Variants in ZNF407 observed in about 807,000 individuals in gnomAD.
ZNF407 encodes zinc finger protein 407.
ZNF407 carries 17 observed loss-of-function variants against 131.2 expected under a neutral mutation model. The observed-to-expected ratio is 0.13, with a 90% CI of 0.09 to 0.19. ZNF407 has a LOEUF of 0.19. Ranked by LOEUF, ZNF407 falls within the 10% of genes least tolerant of loss-of-function variation. The pLI is 1.00. For missense variants in ZNF407, 2,681 were observed against 2,830.6 expected (o/e 0.95, Z 1.20); for synonymous variants, 1,156 against 1,062.0 (o/e 1.09, Z -1.72).
At chr18:74,992,845 AT>A (rs892107192) in intron 8 of ZNF407, among the ~76,000 whole-genome samples, 1 of 152,236 alleles carries the variant, frequency 6.6e-6, no homozygotes, top group African/African-American at 2.4e-5. Context: ...AAAAGAAGAT[AT>A]TTAAGCAGCC....
chr18:74,832,684 A>C (rs1970502279), intron 4 of ZNF407, among the ~76,000 whole-genome samples: 1 of 152,178 alleles, frequency 6.6e-6, no homozygotes, highest in Non-Finnish European at 1.5e-5. Context: ...TTTGAATCTT[A>C]CAGTTGTAGA....
At position 74,803,838 on chromosome 18, in the gene ZNF407, A is replaced by G. The variant is rs769630636; in HGVS notation, c.4877+22336A>G. ...GATAATGTGGTTTTTATCAATATTAATACTTTCTGGAGCATGGTTTCAAAA... is the reference window on the plus strand; with the variant it reads ...GATAATGTGGTTTTTATCAATATTAGTACTTTCTGGAGCATGGTTTCAAAA... On this transcript the variant is annotated intron_variant, in intron 4 of 8. Coordinates refer to ENST00000299687, the MANE Select transcript of ZNF407 (RefSeq NM_017757.3). The G allele has an allele frequency of 1.1e-5, 11 of 989,900 alleles. No homozygotes were observed. In the Admixed American group the frequency reaches 1.7e-4, roughly 16 times the overall value. 61.3% of individuals were successfully genotyped at this position (989,900 alleles called of 1,614,324 possible).
Position 74,909,814 on chromosome 18 carries a change from G to A in ZNF407, c.5250-10700G>A, listed in dbSNP as rs570058751. On this transcript the variant is annotated intron_variant, in intron 7 of 8. Transcript: ENST00000299687. ...TGACTTGCAGTATTTTATAGTATTC[G>A]TGTAGTCAAGTCTATCTATGTTTGA... Among the ~76,000 whole-genome samples, 1,133 of 152,102 alleles carry A rather than the reference G, an allele frequency of 7.4e-3. 13 individuals carry two copies. Among genetic ancestry groups the A allele is most frequent in the African/African-American group, 0.023 (964 of 41,504 alleles).
At chr18:74,999,790 C>T (rs186331938) in intron 8 of ZNF407, among the ~76,000 whole-genome samples, 2 of 152,134 alleles carry the variant, frequency 1.3e-5, no homozygotes, top group African/African-American at 2.4e-5. Flanking sequence ...GCCAAGATGA[C>T]TGCATTTCAA....
At chr18:74,654,338 G>A (rs1373973892) in intron 3 of ZNF407, among the ~76,000 whole-genome samples, 1 of 151,690 alleles carries the variant, frequency 6.6e-6, no homozygotes, top group African/African-American at 2.4e-5. Context: ...ATTTTTAATG[G>A]TTTTTCTGAC....
intron 8 of ZNF407, among the ~76,000 whole-genome samples, chr18:74,992,594 G>C (rs1412976181): frequency 6.6e-6 from 1 of 152,218 alleles, no homozygotes. Context: ...CATCAAGAAG[G>C]GCTGTGAGCG....
Position 75,064,031 on chromosome 18 carries a change from C to G in ZNF407, c.6310C>G (p.Gln2104Glu), listed in dbSNP as rs1171738737. The G allele has an allele frequency of 1.9e-6, 3 of 1,603,594 alleles. No homozygotes were observed. Among genetic ancestry groups the G allele is most frequent in the Non-Finnish European group, 2.6e-6 (3 of 1,175,698 alleles). Residue 2104 changes from glutamine (Q) to glutamate (E), a missense_variant, in exon 9 of 9, where the codon CAG becomes GAG. This residue lies in a region of ZNF407 where 620 missense variants were observed against 583.1 expected (regional missense o/e 1.06). Transcript: ENST00000299687. The part of the protein sequence containing the change: ...AGQLVKDGVT[Q>E]VVVSEEGAVH... ...CCAGTTGGTCAAGGACGGTGTCACC[C>G]AGGTGGTGGTGAGCGAAGAGGGTGC...
intron 3 of ZNF407, among the ~76,000 whole-genome samples, chr18:74,657,091 T>A (rs1163030498): frequency 1.3e-5 from 2 of 152,064 alleles, no homozygotes. Flanking sequence ...AGTTTTTTTT[T>A]TTTTTTTTAA....
At chr18:75,020,290 G>T (rs1458818706) in intron 8 of ZNF407, among the ~76,000 whole-genome samples, 1 of 145,730 alleles carries the variant, frequency 6.9e-6, no homozygotes, top group African/African-American at 2.6e-5. Context: ...ATATGTGTGT[G>T]TATGTGTATA....
At chr18:75,026,936 A>G (rs769678439) in intron 8 of ZNF407, among the ~76,000 whole-genome samples, 31 of 152,236 alleles carry the variant, frequency 2.0e-4, no homozygotes, top group Admixed American at 9.2e-4. Flanking sequence ...GGACTACATC[A>G]GTAAACACTG....
At chr18:74,983,900 A>G (rs895270644) in intron 8 of ZNF407, among the ~76,000 whole-genome samples, 5 of 152,156 alleles carry the variant, frequency 3.3e-5, no homozygotes, top group Non-Finnish European at 7.4e-5. Flanking sequence ...TAGCTACTGG[A>G]GAGTTAGCAA....
intron 3 of ZNF407, among the ~76,000 whole-genome samples, chr18:74,666,595 C>T (rs1985940311): frequency 6.6e-6 from 1 of 152,158 alleles, no homozygotes; most frequent in South Asian, 2.1e-4. Context: ...AGGAAGTAAG[C>T]ACCTTGAGAC....
chr18:75,064,640 C>T lies in ZNF407; in HGVS notation c.*172C>T. On this transcript the variant is annotated 3_prime_UTR_variant, in exon 9 of 9. Coordinates refer to ENST00000299687, the MANE Select transcript of ZNF407 (RefSeq NM_017757.3). Reference sequence around the variant, plus strand: ...TCACACTGGCCACCAGCCAGGCGCCCACAGAGGGTACCGTGGGCTGGGCCT... The same window carrying T: ...TCACACTGGCCACCAGCCAGGCGCCTACAGAGGGTACCGTGGGCTGGGCCT... The T allele has an allele frequency of 1.6e-6, 1 of 612,360 alleles. No homozygotes were observed. The highest frequency in any genetic ancestry group is 2.6e-6 in the Non-Finnish European group (1 of 386,356). 37.9% of individuals were successfully genotyped at this position (612,360 alleles called of 1,614,324 possible). A position where few individuals can be genotyped will look rare whatever the true frequency, so the allele number is the denominator to read the frequency against.
At chr18:74,659,076 T>A (rs1985603913) in intron 3 of ZNF407, among the ~76,000 whole-genome samples, 1 of 152,176 alleles carries the variant, frequency 6.6e-6, no homozygotes, top group Non-Finnish European at 1.5e-5. Flanking sequence ...TTAAAGCTCA[T>A]GGATTTTTTG....
At chr18:74,767,336 T>C (rs1285020074) in intron 3 of ZNF407, among the ~76,000 whole-genome samples, 2 of 152,206 alleles carry the variant, frequency 1.3e-5, no homozygotes, top group Non-Finnish European at 2.9e-5. Context: ...AACTTCTGCA[T>C]CTCGCCAATG....
intron 8 of ZNF407, among the ~76,000 whole-genome samples, chr18:75,038,164 G>A (rs368785372): frequency 6.6e-6 from 1 of 152,360 alleles, no homozygotes; most frequent in East Asian, 1.9e-4. Flanking sequence ...TATCAGCTAA[G>A]CTGTTAGCAC....
intron 3 of ZNF407, among the ~76,000 whole-genome samples, chr18:74,667,282 T>C (rs1335016436): frequency 2.0e-5 from 3 of 152,212 alleles, no homozygotes. Flanking sequence ...TGCCGATCTT[T>C]GACTGCAGAA....
chr18:74,609,184 C>T (rs1982944032), intron 1 of ZNF407, among the ~76,000 whole-genome samples: 1 of 152,164 alleles, frequency 6.6e-6, no homozygotes. Context: ...GCCGAGGAAG[C>T]TGTCCAGTTC....
chr18:74,781,956 G>C (rs1010826865), intron 4 of ZNF407, among the ~76,000 whole-genome samples: 1 of 152,110 alleles, frequency 6.6e-6, no homozygotes, highest in Non-Finnish European at 1.5e-5. Flanking sequence ...TAATACTACA[G>C]TTGCCATGTC....
Sources: gnomAD v4.1 joint callset for allele counts (sites outside exome capture counted in the v4.1 genomes callset) on GRCh38, gnomAD v4.1.1 for gene constraint, gnomAD v4.1.1 regional missense constraint, MANE v1.5 for transcripts, NCBI Gene and HGNC (gene_info 2026-07-23, HGNC 2026-07-21) for gene names.